Variants in LPA observed in about 807,000 individuals in gnomAD.
The protein encoded by LPA is lipoprotein(a).
A neutral mutation model predicts 197.9 loss-of-function variants in LPA; 199 were observed. That is an observed-to-expected ratio of 1.01 (90% CI 0.90 to 1.13). LPA has a LOEUF of 1.13. Among genes scored for constraint, LPA ranks in the 50% most tolerant of loss-of-function variants. The pLI, the probability that LPA is intolerant of heterozygous loss-of-function variation, is 0.00. For missense variants in LPA, 1,853 were observed against 1,785.8 expected (o/e 1.04, Z -0.68); for synonymous variants, 715 against 639.5 (o/e 1.12, Z -1.78).
In LPA at chr6:160,540,188, A is replaced by G. The variant is rs942340135; in HGVS notation, c.5595-5T>C. On this transcript the variant is annotated splice_region_variant and splice_polypyrimidine_tract_variant and intron_variant, in intron 35 of 38. Transcript: ENST00000316300. ...TAGGATGAAGGCCTTGAGGACCTAGAAAAGATGAGGATGTCAAGAGAAAAA... is the reference window on the plus strand; with the variant it reads ...TAGGATGAAGGCCTTGAGGACCTAGGAAAGATGAGGATGTCAAGAGAAAAA... The G allele has an allele frequency of 1.9e-6, 3 of 1,614,162 alleles. No homozygotes were observed. In the Admixed American group the frequency reaches 5.0e-5, roughly 27 times the overall value.
Position 160,599,593 on chromosome 6 carries a change from G to A in LPA, c.3194C>T (p.Thr1065Ile), listed in dbSNP as rs1779198839. 6.2e-6 allele frequency: 10 copies of A among 1,614,012 alleles called. No individual in the cohort carries two copies. The East Asian group carries it at 2.2e-4, about 36-fold the overall frequency. Residue 1065 changes from threonine to isoleucine, a missense_variant, in exon 20 of 39, where the codon ACA becomes ATA. Thr to Ile is a moderately conservative substitution (Grantham distance 89). This residue lies in a region of LPA where 1,737 missense variants were observed against 1,504.4 expected (regional missense o/e 1.15). Coordinates refer to ENST00000316300, the MANE Select transcript of LPA (RefSeq NM_005577.4). ...YYHYGQSYRG[T>I]YSTTVTGRTC... The stretch of plus-strand genomic sequence containing the variant: ...TCTTCCTGTGACAGTGGTGGAGTAT[G>A]TGCCTCGGTAACTCTGTCCATAATG...
intron 28 of LPA, among the ~76,000 whole-genome samples, chr6:160,563,575 T>C (rs1778398287): frequency 6.6e-6 from 1 of 152,252 alleles, no homozygotes; most frequent in Admixed American, 6.5e-5. Flanking sequence ...TGTAGATGTC[T>C]ATTAGGTCAG....
intron 24 of LPA, among the ~76,000 whole-genome samples, chr6:160,587,067 T>A (rs1778925459): frequency 6.6e-6 from 1 of 152,250 alleles, no homozygotes; most frequent in South Asian, 2.1e-4. Context: ...ATTTGCTGAT[T>A]TGTTATTTAC....
rs1562328425 is a variant in LPA at position 160,577,198 on chromosome 6, A to AC, written c.4568dup (p.Cys1523TrpfsTer81). The AC allele has an allele frequency of 6.2e-7, 1 of 1,613,934 alleles. No homozygotes were observed. The highest frequency in any genetic ancestry group is 8.5e-7 in the Non-Finnish European group (1 of 1,179,862). On this transcript the variant is annotated frameshift_variant, in exon 28 of 39. Coordinates refer to ENST00000316300, the MANE Select transcript of LPA (RefSeq NM_005577.4). LOFTEE classifies it high-confidence loss of function. ...GTGGTATCATAGATGACCAAGATTG[A>AC]CAGGTCCTTCCTGTGACAGTGGTGG... is the stretch of plus-strand genomic sequence containing the variant.
intron 18 of LPA, among the ~76,000 whole-genome samples, chr6:160,604,564 C>T (rs1779307311): frequency 6.6e-6 from 1 of 152,098 alleles, no homozygotes; most frequent in Non-Finnish European, 1.5e-5. Flanking sequence ...GTGGTCAGAA[C>T]CGACTGTGTT....
chr6:160,594,315 G>A (rs549831917), intron 21 of LPA, among the ~76,000 whole-genome samples, 198 bp from the exon 22 acceptor site: 3 of 152,322 alleles, frequency 2.0e-5, no homozygotes, highest in Non-Finnish European at 4.4e-5. Context: ...TTCTTAGAAA[G>A]ATTTCCTTTA....
chr6:160,538,036 C>T, intron 36 of LPA, 75 bp from the exon 37 acceptor site: 1 of 1,249,160 alleles, frequency 8.0e-7, no homozygotes, highest in Non-Finnish European at 1.2e-6. Flanking sequence ...GGCATCCCTG[C>T]CTTGAAGCCC....
intron 26 of LPA, among the ~76,000 whole-genome samples, chr6:160,584,274 T>G (rs1778861786): frequency 9.9e-6 from 1 of 101,508 alleles, no homozygotes; most frequent in Non-Finnish European, 2.1e-5. Flanking sequence ...CTCTTCCTCT[T>G]CTTCTTCTTC....
rs1467771813 is a variant in LPA at position 160,606,657 on chromosome 6, C to T, written c.2605G>A (p.Gly869Ser). 3.7e-6 allele frequency: 6 copies of T among 1,613,948 alleles called. No homozygotes were observed. Among genetic ancestry groups the T allele is most frequent in the Non-Finnish European group, 5.1e-6 (6 of 1,179,922 alleles). The change falls in exon 17 of 39, where the codon GGC becomes AGC. Residue 869 changes from glycine to serine, a missense_variant and splice_region_variant. Physicochemically the swap from Gly to Ser is moderately conservative, Grantham distance 56. This residue lies in a region of LPA where 1,737 missense variants were observed against 1,504.4 expected (regional missense o/e 1.15). Coordinates refer to ENST00000316300, the MANE Select transcript of LPA (RefSeq NM_005577.4). ...SRTPEYYPNA[G>S]LIMNYCRNPD... ...TTCCTGCAGTAGTTCATGATCAAGC[C>T]ACTGGAAATTCCAAAACGATACACG...
At chr6:160,607,990 CTAAT>C (rs1779394933) in intron 16 of LPA, among the ~76,000 whole-genome samples, 2 of 152,128 alleles carry the variant, frequency 1.3e-5, no homozygotes, top group African/African-American at 4.8e-5. Context: ...TGGTACACTT[CTAAT>C]TATTCCCTAC....
chr6:160,603,583 C>A (rs1779287012), intron 18 of LPA, among the ~76,000 whole-genome samples: 3 of 152,078 alleles, frequency 2.0e-5, no homozygotes, highest in Admixed American at 6.6e-5. Flanking sequence ...CCATTCTAAT[C>A]ATTTCTGTCA....
chr6:160,572,164 G>A (rs761620267), intron 28 of LPA, among the ~76,000 whole-genome samples: 1 of 152,204 alleles, frequency 6.6e-6, no homozygotes, highest in Non-Finnish European at 1.5e-5. Context: ...CAGGTGAGGT[G>A]ACACCCCACC....
chr6:160,598,176 T>C (rs1383563712), intron 20 of LPA, among the ~76,000 whole-genome samples: 1 of 152,232 alleles, frequency 6.6e-6, no homozygotes, highest in Non-Finnish European at 1.5e-5. Flanking sequence ...AAGCTCACTG[T>C]TCCCTTGTAG....
At chr6:160,588,567 A>G (rs896533815) in intron 24 of LPA, among the ~76,000 whole-genome samples, 1 of 152,102 alleles carries the variant, frequency 6.6e-6, no homozygotes, top group African/African-American at 2.4e-5. Context: ...TTCTTTCTTT[A>G]TGAAAACTCT....
At chr6:160,583,758 A>T (rs548126311) in intron 26 of LPA, among the ~76,000 whole-genome samples, 2 of 151,002 alleles carry the variant, frequency 1.3e-5, no homozygotes, top group Admixed American at 6.6e-5. Flanking sequence ...TCTCGGTTTT[A>T]TTAGTAAACA....
At chr6:160,602,126 C>T (rs1041268757) in intron 18 of LPA, among the ~76,000 whole-genome samples, 14 of 152,174 alleles carry the variant, frequency 9.2e-5, no homozygotes, top group Admixed American at 6.5e-4. Context: ...AGACTCTACA[C>T]ATGTGACCTA....
At chr6:160,658,537 C>A (rs1780168622) in intron 1 of LPA, among the ~76,000 whole-genome samples, 1 of 152,316 alleles carries the variant, frequency 6.6e-6, no homozygotes, top group African/African-American at 2.4e-5. Flanking sequence ...AATCAACCAA[C>A]TTCATTATGT....
At chr6:160,605,549 T>A (rs543758705) in intron 17 of LPA, among the ~76,000 whole-genome samples, 1 of 152,322 alleles carries the variant, frequency 6.6e-6, no homozygotes, top group South Asian at 2.1e-4. Context: ...TTCTACTGAA[T>A]GTTCATGAGG....
chr6:160,600,810 C>A, intron 19 of LPA, 107 bp downstream of exon 19: 1 of 1,295,968 alleles, frequency 7.7e-7, no homozygotes, highest in Non-Finnish European at 1.1e-6. Flanking sequence ...GACCCAGAAC[C>A]AACACACGAG....
Sources: allele counts gnomAD v4.1 joint callset (sites outside exome capture counted in the v4.1 genomes callset), GRCh38; gene constraint gnomAD v4.1.1; regional missense constraint gnomAD v4.1.1; transcripts MANE v1.5; gene names NCBI Gene and HGNC (gene_info 2026-07-23, HGNC 2026-07-21).